Variants in NHS observed in about 807,000 individuals in gnomAD.
NHS encodes the protein actin remodeling regulator NHS.
A neutral mutation model predicts 72.5 loss-of-function variants in NHS; 5 were observed. The ratio of observed to expected loss-of-function variants is 0.07; its 90% CI spans 0.04 to 0.14. The LOEUF is 0.14. NHS is among the 10% of genes least tolerant of loss of function. NHS has a pLI of 1.00. For synonymous variants in NHS, 464 were observed against 547.7 expected, an observed-to-expected ratio of 0.85 and a Z score of 2.13; for missense variants, 1,072 against 1,355.7, an observed-to-expected ratio of 0.79 and a Z score of 3.29.
chrX:17,732,589 G>T lies in NHS; in HGVS notation c.*125G>T, dbSNP rs747948170. The T allele has an allele frequency of 2.9e-5, 30 of 1,019,010 alleles. 1 individual carries two copies. Among genetic ancestry groups the T allele is most frequent in the Admixed American group, 1.2e-4 (5 of 43,440 alleles). The allele number at this position is 1,019,010 out of a possible 1,213,427, so 84.0% of individuals were successfully genotyped here. The stretch of plus-strand genomic sequence containing the variant: ...GTAGCATCACTGCTAAGCAATGAAT[G>T]AATTTCTAAATACAGTATGTGCTGG... On this transcript the variant is annotated 3_prime_UTR_variant, in exon 9 of 9. Transcript: ENST00000676302.
intron 1 of NHS, among the ~76,000 whole-genome samples, chrX:17,490,274 T>C (rs1274399069): frequency 8.9e-6 from 1 of 112,656 alleles, no homozygotes; most frequent in Non-Finnish European, 1.9e-5. Flanking sequence ...TGTTTAATTC[T>C]TTAATCCATC....
chrX:17,488,802 T>C (rs1391089817), intron 1 of NHS, among the ~76,000 whole-genome samples: 1 of 111,960 alleles, frequency 8.9e-6, no homozygotes, highest in Non-Finnish European at 1.9e-5. Context: ...TTTCTTTTTT[T>C]AAATTATAAT....
intron 1 of NHS, among the ~76,000 whole-genome samples, chrX:17,485,769 T>G (rs1254720377): frequency 8.9e-6 from 1 of 111,751 alleles, no homozygotes; most frequent in African/African-American, 3.3e-5. Flanking sequence ...TTTCCGATCG[T>G]AGGTTTGTGC....
At chrX:17,413,134 C>T (rs1321019478) in intron 1 of NHS, among the ~76,000 whole-genome samples, 9 of 112,152 alleles carry the variant, frequency 8.0e-5, no homozygotes, top group East Asian at 2.8e-4. Flanking sequence ...CGTGCACACA[C>T]GCACACACAT....
intron 1 of NHS, among the ~76,000 whole-genome samples, chrX:17,489,440 G>T (rs761620828): frequency 9.0e-6 from 1 of 111,696 alleles, no homozygotes; most frequent in African/African-American, 3.3e-5. Context: ...TCTCCACATC[G>T]TCTCCAGCAC....
rs926779635 is a variant in NHS at position 17,631,857 on chromosome X, C to T, written c.566-55885C>T. Among the ~76,000 whole-genome samples, 8 of 111,823 alleles carry T rather than the reference C, an allele frequency of 7.2e-5. No individual in the cohort carries two copies. The South Asian group carries it at 1.5e-3, about 21-fold the overall frequency. ...TGCAGACTCAGCAATAATGAGGTAC[C>T]GAGGCTTCTTCCGGCTCCTAGTTCC... On this transcript the variant is annotated intron_variant, in intron 1 of 8. Coordinates refer to ENST00000676302, the MANE Select transcript of NHS (RefSeq NM_001291867.2).
chrX:17,429,239 T>TGTGTGTGTGC (rs1555987945), intron 1 of NHS, among the ~76,000 whole-genome samples: 1,139 of 107,553 alleles, frequency 0.011, 14 homozygotes, highest in African/African-American at 0.039. Context: ...TGTGTGTGTG[T>TGTGTGTGTGC]GTGTGTGTGT....
At chrX:17,386,679 A>AAAAAAG (rs1208339662) in intron 1 of NHS, among the ~76,000 whole-genome samples, 353 of 108,814 alleles carry the variant, frequency 3.2e-3, no homozygotes, top group Non-Finnish European at 5.1e-3. Context: ...AAAAAAAAAA[A>AAAAAAG]AAAAAGAAAA....
At chrX:17,685,204 C>T (rs753821897) in intron 1 of NHS, among the ~76,000 whole-genome samples, 24 of 111,891 alleles carry the variant, frequency 2.1e-4, no homozygotes, top group Non-Finnish European at 4.3e-4. Context: ...GCTCTGTGAC[C>T]AAATGACGTC....
At chrX:17,731,742 T>C in intron 8 of NHS, 116 bp from the exon 9 acceptor site, 2 of 966,993 alleles carry the variant, frequency 2.1e-6, no homozygotes, top group South Asian at 2.4e-5. Flanking sequence ...TATCCCATCA[T>C]ATAGGACAGG....
intron 1 of NHS, among the ~76,000 whole-genome samples, chrX:17,380,573 G>C (rs1232511042): frequency 9.0e-6 from 1 of 110,597 alleles, no homozygotes; most frequent in Non-Finnish European, 1.9e-5. Context: ...GGGTGGTCTC[G>C]AACTCTTGCG....
At chrX:17,472,146 A>G (rs2064894979) in intron 1 of NHS, among the ~76,000 whole-genome samples, 1 of 111,373 alleles carries the variant, frequency 9.0e-6, no homozygotes, top group Non-Finnish European at 1.9e-5. Flanking sequence ...TGCCATGCCC[A>G]CTTGTGTTAA....
intron 1 of NHS, among the ~76,000 whole-genome samples, chrX:17,597,432 T>C (rs1259096025): frequency 4.9e-5 from 5 of 101,412 alleles, no homozygotes; most frequent in South Asian, 4.4e-4. Flanking sequence ...GCTATTCTCT[T>C]TTTTTTTTTT....
At chrX:17,479,158 G>C (rs1372528422) in intron 1 of NHS, among the ~76,000 whole-genome samples, 1 of 111,629 alleles carries the variant, frequency 9.0e-6, no homozygotes, top group Non-Finnish European at 1.9e-5. Flanking sequence ...TGTGGTATTT[G>C]GTTTTCTGTT....
At chrX:17,604,515 C>G (rs185358961) in intron 1 of NHS, among the ~76,000 whole-genome samples, 1 of 111,914 alleles carries the variant, frequency 8.9e-6, no homozygotes, top group South Asian at 3.8e-4. Context: ...AACAGCGATC[C>G]TTTATAGGGC....
At chrX:17,492,220 G>C (rs187768552) in intron 1 of NHS, among the ~76,000 whole-genome samples, 2 of 111,690 alleles carry the variant, frequency 1.8e-5, no homozygotes, top group East Asian at 5.6e-4. Context: ...CTTTAATTGT[G>C]ATGTTAGGGT....
intron 1 of NHS, among the ~76,000 whole-genome samples, chrX:17,594,320 G>A (rs1379502698): frequency 8.9e-6 from 1 of 112,033 alleles, no homozygotes; most frequent in Non-Finnish European, 1.9e-5. Context: ...GTGAGGAAGG[G>A]GGTCACTAAC....
At chrX:17,547,720 T>C (rs2065300902) in intron 1 of NHS, among the ~76,000 whole-genome samples, 1 of 112,684 alleles carries the variant, frequency 8.9e-6, no homozygotes, top group Non-Finnish European at 1.9e-5. Context: ...TGCAGGTGTT[T>C]CTGTTATCTC....
At chrX:17,429,747 G>T (rs977024452) in intron 1 of NHS, among the ~76,000 whole-genome samples, 1 of 111,353 alleles carries the variant, frequency 9.0e-6, no homozygotes, top group African/African-American at 3.3e-5. Flanking sequence ...TGATCCTAGG[G>T]TCAGGTTATT....
Sources: allele counts gnomAD v4.1 joint callset (sites outside exome capture counted in the v4.1 genomes callset), GRCh38; gene constraint gnomAD v4.1.1; transcripts MANE v1.5; gene names NCBI Gene and HGNC (gene_info 2026-07-23, HGNC 2026-07-21).